ARHGAP28: variants seen among roughly 807,000 people sequenced by gnomAD.
ARHGAP28 encodes the protein rho GTPase-activating protein 28.
In ARHGAP28, 56 loss-of-function variants were observed where a neutral mutation model predicts 90.7. The ratio of observed to expected loss-of-function variants is 0.62; its 90% confidence interval spans 0.50 to 0.77. The LOEUF is 0.77. Ranked by LOEUF, ARHGAP28 falls within the 30% of genes least tolerant of loss-of-function variation. The pLI is 0.00. For synonymous variants in ARHGAP28, 308 were observed against 323.3 expected, an observed-to-expected ratio of 0.95 and a Z score of 0.51; for missense variants, 869 against 900.9, an observed-to-expected ratio of 0.96 and a Z score of 0.45.
At chr18:6,755,300 A>C (rs2056100794) in intron 1 of ARHGAP28, among the ~76,000 whole-genome samples, 1 of 152,232 alleles carries the variant, frequency 6.6e-6, no homozygotes, top group Non-Finnish European at 1.5e-5. Flanking sequence ...GAAGTTGAGT[A>C]GTGGCTCCTT....
At chr18:6,900,485 G>C (rs992996444) in intron 16 of ARHGAP28, among the ~76,000 whole-genome samples, 1 of 152,112 alleles carries the variant, frequency 6.6e-6, no homozygotes, top group Non-Finnish European at 1.5e-5. Flanking sequence ...ACAACAAATG[G>C]AAATTTACAG....
intron 1 of ARHGAP28, among the ~76,000 whole-genome samples, chr18:6,781,856 C>G (rs992207307): frequency 3.3e-5 from 5 of 152,146 alleles, no homozygotes; most frequent in Non-Finnish European, 1.5e-5. Flanking sequence ...ATTTTTGTCT[C>G]TCTTTTGAAC....
chr18:6,803,138 GT>G (rs1223445655), intron 1 of ARHGAP28, among the ~76,000 whole-genome samples: 1 of 152,076 alleles, frequency 6.6e-6, no homozygotes, highest in East Asian at 1.9e-4. Flanking sequence ...AATAGAAGTG[GT>G]GAGAGCAATC....
intron 2 of ARHGAP28, among the ~76,000 whole-genome samples, chr18:6,832,399 G>A (rs1049014390): frequency 2.0e-5 from 3 of 151,996 alleles, no homozygotes; most frequent in Non-Finnish European, 4.4e-5. Flanking sequence ...GTGGTGTTCT[G>A]TAAATGCTCA....
At chr18:6,868,103 T>C in intron 5 of ARHGAP28, 47 bp from the exon 6 acceptor site, 3 of 1,464,630 alleles carry the variant, frequency 2.0e-6, no homozygotes, top group Admixed American at 3.4e-5. Context: ...TGAGGTGGAC[T>C]GTATTTATGG....
At chr18:6,775,465 A>G (rs1466986852) in intron 1 of ARHGAP28, among the ~76,000 whole-genome samples, 2 of 152,138 alleles carry the variant, frequency 1.3e-5, no homozygotes, top group African/African-American at 4.8e-5. Context: ...GAAGCCTTCG[A>G]TGAAATATTG....
At chr18:6,803,947 T>A (rs1175318077) in intron 1 of ARHGAP28, among the ~76,000 whole-genome samples, 1 of 151,832 alleles carries the variant, frequency 6.6e-6, no homozygotes, top group Non-Finnish European at 1.5e-5. Flanking sequence ...CCCAGCTAAT[T>A]TTTTTGTATT....
At chr18:6,809,826 C>A (rs1283964153) in intron 1 of ARHGAP28, among the ~76,000 whole-genome samples, 1 of 152,130 alleles carries the variant, frequency 6.6e-6, no homozygotes, top group Non-Finnish European at 1.5e-5. Context: ...TATCAAAGGG[C>A]TAGGCCTTTT....
At chr18:6,852,181 T>C (rs1411941918) in intron 4 of ARHGAP28, among the ~76,000 whole-genome samples, 2 of 152,230 alleles carry the variant, frequency 1.3e-5, no homozygotes, top group Non-Finnish European at 2.9e-5. Flanking sequence ...GTGTGTTACA[T>C]ATGAATGACC....
At chr18:6,847,637 G>GTGTC (rs1427102198) in intron 3 of ARHGAP28, among the ~76,000 whole-genome samples, 8 of 151,706 alleles carry the variant, frequency 5.3e-5, no homozygotes, top group Non-Finnish European at 1.2e-4. Context: ...GGGGGTGTGT[G>GTGTC]TGTGTGTGTG....
chr18:6,783,258 G>A (rs2056339342), intron 1 of ARHGAP28, among the ~76,000 whole-genome samples: 1 of 150,324 alleles, frequency 6.7e-6, no homozygotes, highest in African/African-American at 2.5e-5. Context: ...TTTCCATGTC[G>A]CCCCCCTCGA....
At chr18:6,871,614 T>C (rs1271957371) in intron 7 of ARHGAP28, among the ~76,000 whole-genome samples, 1 of 152,200 alleles carries the variant, frequency 6.6e-6, no homozygotes, top group Non-Finnish European at 1.5e-5. Context: ...ATTGGTCTGT[T>C]TGCCATTCAA....
chr18:6,807,391 ATTT>A (rs912966046), intron 1 of ARHGAP28, among the ~76,000 whole-genome samples: 2 of 151,316 alleles, frequency 1.3e-5, no homozygotes, highest in Non-Finnish European at 2.9e-5. Flanking sequence ...TGCAGTGTGG[ATTT>A]TTTTTTATTA....
intron 13 of ARHGAP28, 22 bp from the exon 14 acceptor site, chr18:6,890,408 C>A: frequency 6.7e-7 from 1 of 1,500,142 alleles, no homozygotes. Context: ...TCCATCCAGT[C>A]CAAGCTATTT....
intron 3 of ARHGAP28, among the ~76,000 whole-genome samples, chr18:6,848,324 C>T (rs9957451): frequency 0.71 from 108,357 of 151,868 alleles, 38,841 homozygotes; most frequent in East Asian, 0.84. Context: ...TAAAACTTCC[C>T]TCATTTTGCC....
intron 16 of ARHGAP28, among the ~76,000 whole-genome samples, chr18:6,904,488 T>C (rs1331855700): frequency 6.6e-6 from 1 of 152,196 alleles, no homozygotes; most frequent in African/African-American, 2.4e-5. Flanking sequence ...TAAATGCTTA[T>C]GATAGAAATG....
At chr18:6,865,287 T>C (rs934184228) in intron 5 of ARHGAP28, among the ~76,000 whole-genome samples, 1 of 152,226 alleles carries the variant, frequency 6.6e-6, no homozygotes, top group Non-Finnish European at 1.5e-5. Flanking sequence ...ATGTGAACAA[T>C]GTTTTAATTC....
chr18:6,901,864 C>T (rs1267140575), intron 16 of ARHGAP28, among the ~76,000 whole-genome samples: 1 of 152,132 alleles, frequency 6.6e-6, no homozygotes, highest in African/African-American at 2.4e-5. Flanking sequence ...AAGATGTCAG[C>T]AGGGTTGATT....
At chr18:6,897,114 A>G (rs1456289320) in intron 16 of ARHGAP28, 1 of 152,708 alleles carries the variant, frequency 6.5e-6, no homozygotes, top group Admixed American at 6.5e-5. Flanking sequence ...AGGTTTCACC[A>G]TGTTGGCCAG....
Sources: allele counts gnomAD v4.1 joint callset (sites outside exome capture counted in the v4.1 genomes callset), GRCh38; gene constraint gnomAD v4.1.1; transcripts MANE v1.5; gene names NCBI Gene and HGNC (gene_info 2026-07-23, HGNC 2026-07-21).